Variants in VSIR observed in about 807,000 individuals in gnomAD.
VSIR encodes the protein V-type immunoglobulin domain-containing suppressor of T-cell activation.
In VSIR, 10 loss-of-function variants were observed where a neutral mutation model predicts 31.0. The ratio of observed to expected loss-of-function variants is 0.32; its 90% confidence interval spans 0.20 to 0.55. The LOEUF is 0.55. VSIR is among the 20% of genes least tolerant of loss of function. The probability of loss-of-function intolerance (pLI) is 0.93; values close to 1 mark genes in which losing one functional copy is unlikely to be tolerated. For synonymous variants in VSIR, 179 were observed against 180.1 expected, an observed-to-expected ratio of 0.99 and a Z score of 0.05; for missense variants, 356 against 416.2, an observed-to-expected ratio of 0.86 and a Z score of 1.26.
chr10:71,760,784 C>A, intron 3 of VSIR, 84 bp downstream of exon 3: 3 of 1,344,892 alleles, frequency 2.2e-6, no homozygotes, highest in Non-Finnish European at 2.1e-6. Flanking sequence ...GGTGATGAGG[C>A]CAGAGTTCCA....
At chr10:71,752,137 A>G in intron 5 of VSIR, 1 of 608,040 alleles carries the variant, frequency 1.6e-6, no homozygotes, top group East Asian at 3.2e-5. Flanking sequence ...CACAGCCAGG[A>G]AGCCAAAAAT....
intron 1 of VSIR, among the ~76,000 whole-genome samples, chr10:71,767,628 G>C (rs1042282264): frequency 2.0e-5 from 3 of 152,242 alleles, no homozygotes; most frequent in Admixed American, 2.0e-4. Flanking sequence ...GGGAAACAGA[G>C]GCATGGATCA....
At chr10:71,753,754 G>C (rs984326379) in intron 4 of VSIR, 1 of 456,378 alleles carries the variant, frequency 2.2e-6, no homozygotes, top group Non-Finnish European at 4.4e-6. Context: ...ATTTACTGCT[G>C]ATTACGATGG....
intron 1 of VSIR, among the ~76,000 whole-genome samples, chr10:71,762,374 C>T (rs990889941): frequency 3.3e-5 from 5 of 152,216 alleles, no homozygotes; most frequent in Non-Finnish European, 7.4e-5. Flanking sequence ...AAGGCTGTTT[C>T]GAACAGCAGC....
rs199963810 is a variant in VSIR at position 71,755,442 on chromosome 10, G to A, written c.593C>T (p.Thr198Met). 103 of 1,612,736 alleles carry A rather than the reference G, an allele frequency of 6.4e-5. No individual in the cohort carries two copies. Among genetic ancestry groups the A allele is most frequent in the Middle Eastern group, 1.7e-4 (1 of 6,056 alleles). Residue 198 changes from threonine to methionine, a missense_variant, in exon 4 of 7, where the codon ACG becomes ATG. Thr to Met is a moderately conservative substitution (Grantham distance 81). Around this residue, in one of 2 missense-constraint regions of VSIR, gnomAD observed 190 missense variants for 185.2 expected, o/e 1.03. Transcript: ENST00000394957. ...SENITAAALA[T>M]GACIVGILCL... ...GAGGATTCCTACGATGCAGGCACCCGTAGCCAGGGCTGCAGCCGTGATGTC... is the reference window on the plus strand; with the variant it reads ...GAGGATTCCTACGATGCAGGCACCCATAGCCAGGGCTGCAGCCGTGATGTC...
At chr10:71,766,150 C>A (rs571694995) in intron 1 of VSIR, among the ~76,000 whole-genome samples, 1 of 152,328 alleles carries the variant, frequency 6.6e-6, no homozygotes, top group South Asian at 2.1e-4. Flanking sequence ...AATTCTTTGG[C>A]GAGAGGATGT....
chr10:71,770,199 A>C (rs1302294537), intron 1 of VSIR, among the ~76,000 whole-genome samples: 1 of 152,232 alleles, frequency 6.6e-6, no homozygotes, highest in Non-Finnish European at 1.5e-5. Context: ...AAGCCAAGAA[A>C]TACCATAATA....
At chr10:71,753,904 T>G (rs1840068189) in intron 4 of VSIR, 1 of 456,214 alleles carries the variant, frequency 2.2e-6, no homozygotes, top group Non-Finnish European at 4.4e-6. Flanking sequence ...CACACGGGTA[T>G]TCCCTCATCT....
intron 4 of VSIR, among the ~76,000 whole-genome samples, chr10:71,754,030 C>T (rs545057934): frequency 2.6e-5 from 4 of 152,358 alleles, no homozygotes; most frequent in Admixed American, 1.3e-4. Context: ...CTCCAGCAAA[C>T]TGCCGTCCTC....
chr10:71,766,359 G>A (rs1263270059), intron 1 of VSIR, among the ~76,000 whole-genome samples: 1 of 151,848 alleles, frequency 6.6e-6, no homozygotes, highest in Admixed American at 6.5e-5. Flanking sequence ...CAGGCCCCCC[G>A]CCCGCCACCC....
intron 1 of VSIR, among the ~76,000 whole-genome samples, chr10:71,767,890 G>A (rs1307107799): frequency 3.3e-5 from 5 of 152,196 alleles, no homozygotes; most frequent in Admixed American, 1.3e-4. Context: ...TGCATCCGGG[G>A]CTGGAGCTGG....
At position 71,773,417 on chromosome 10, in the gene VSIR, TCCAGGGCCGTGGGGACGC is replaced by T. The variant is rs1840735234; in HGVS notation, c.5_22del (p.Gly2_Leu7del). On this transcript the variant is annotated inframe_deletion, in exon 1 of 7. Coordinates refer to ENST00000394957, the MANE Select transcript of VSIR (RefSeq NM_022153.2). ...GGATCCCCAGCGCCAGCTGCCGGCCTCCAGGGCCGTGGGGACGCCCATGTCGCCGTCGGACGCGCAGAG... is the reference window on the plus strand; with the variant it reads ...GGATCCCCAGCGCCAGCTGCCGGCCTCCATGTCGCCGTCGGACGCGCAGAG... The T allele has an allele frequency of 6.2e-7, 1 of 1,606,112 alleles. No individual in the cohort carries two copies. Among genetic ancestry groups the T allele is most frequent in the African/African-American group, 1.3e-5 (1 of 74,802 alleles).
intron 4 of VSIR, among the ~76,000 whole-genome samples, chr10:71,754,338 G>A (rs549421069): frequency 2.0e-4 from 30 of 152,302 alleles, no homozygotes; most frequent in Admixed American, 3.3e-4. Context: ...GGGGGCCCCC[G>A]GGAATGAGGG....
At chr10:71,765,331 G>A (rs1840509016) in intron 1 of VSIR, among the ~76,000 whole-genome samples, 1 of 152,272 alleles carries the variant, frequency 6.6e-6, no homozygotes, top group Admixed American at 6.5e-5. Flanking sequence ...CCAAAGGGCT[G>A]GCTCAGCAGA....
intron 3 of VSIR, among the ~76,000 whole-genome samples, chr10:71,755,836 C>T (rs552705314): frequency 6.6e-6 from 1 of 152,256 alleles, no homozygotes; most frequent in South Asian, 2.1e-4. Context: ...CCCCATGCCA[C>T]AGAGCTCAAG....
rs751025857 is a variant in VSIR at position 71,760,896 on chromosome 10, C to T, written c.540G>A (p.Val180=). The T allele has an allele frequency of 2.5e-6, 4 of 1,613,778 alleles. No individual in the cohort carries two copies. The highest frequency in any genetic ancestry group is 1.7e-4 in the Middle Eastern group (1 of 6,054). ...TGKDAPSNCV[V]YPSSSQDSEN... is the part of the protein sequence containing the mutation. ...CACTATCCTGGGAGGAGGATGGGTA[C>T]ACCACACAGTTGGATGGTGCATCTT... Residue 180 remains valine, a synonymous_variant, in exon 3 of 7, where the codon GTG becomes GTA. Transcript: ENST00000394957.
At chr10:71,759,930 C>CAT (rs1169681195) in intron 3 of VSIR, among the ~76,000 whole-genome samples, 3 of 54,518 alleles carry the variant, frequency 5.5e-5, no homozygotes, top group Non-Finnish European at 9.1e-5. Flanking sequence ...TACACACACA[C>CAT]ATATATACAC....
chr10:71,756,752 C>T (rs1840159556), intron 3 of VSIR, among the ~76,000 whole-genome samples: 1 of 152,202 alleles, frequency 6.6e-6, no homozygotes, highest in Non-Finnish European at 1.5e-5. Context: ...AAAAGATGGG[C>T]TGGGATACCT....
At chr10:71,757,530 C>T (rs1012674393) in intron 3 of VSIR, 3 of 152,404 alleles carry the variant, frequency 2.0e-5, no homozygotes, top group African/African-American at 4.8e-5. Context: ...CAAGCGTGGC[C>T]AGTGCCTGGG....
Sources: gnomAD v4.1 joint callset for allele counts (sites outside exome capture counted in the v4.1 genomes callset) on GRCh38, gnomAD v4.1.1 for gene constraint, gnomAD v4.1.1 regional missense constraint, MANE v1.5 for transcripts, NCBI Gene and HGNC (gene_info 2026-07-23, HGNC 2026-07-21) for gene names.